The following RBMS3 variants were observed in gnomAD, a reference collection of about 807,000 sequenced individuals.
RBMS3 encodes the protein RNA binding motif single stranded interacting protein 3.
In RBMS3, 27 loss-of-function variants were observed where a neutral mutation model predicts 66.8. That is an observed-to-expected ratio of 0.40 (90% CI 0.30 to 0.56). The LOEUF (loss-of-function observed/expected upper bound fraction) is 0.56. Ranked by LOEUF, RBMS3 falls within the 20% of genes least tolerant of loss-of-function variation. The probability of loss-of-function intolerance (pLI) is 0.40; values close to 1 mark genes in which losing one functional copy is unlikely to be tolerated. For missense variants in RBMS3, 513 were observed against 549.5 expected (o/e 0.93, Z 0.66); for synonymous variants, 188 against 183.0 (o/e 1.03, Z -0.22).
intron 6 of RBMS3, among the ~76,000 whole-genome samples, chr3:29,793,230 C>CAAA (rs59309324): frequency 1.5e-4 from 18 of 117,126 alleles, no homozygotes; most frequent in African/African-American, 5.2e-4. Flanking sequence ...GACTCCATCT[C>CAAA]AAAAAAAAAA....
chr3:29,880,781 A>T (rs1341363617), intron 7 of RBMS3: 1 of 1,536,026 alleles, frequency 6.5e-7, no homozygotes, highest in Admixed American at 2.0e-5. Flanking sequence ...TGCCAAAGGT[A>T]CTCAGAGGCA....
intron 1 of RBMS3, among the ~76,000 whole-genome samples, chr3:29,316,578 G>A (rs1177799721): frequency 6.6e-6 from 1 of 151,612 alleles, no homozygotes; most frequent in Non-Finnish European, 1.5e-5. Flanking sequence ...TAACATGAAA[G>A]CAAGCTTAGT....
intron 3 of RBMS3, among the ~76,000 whole-genome samples, chr3:29,561,612 C>G (rs1211094458): frequency 3.3e-5 from 5 of 152,108 alleles, no homozygotes; most frequent in Admixed American, 2.0e-4. Flanking sequence ...GCCACCACAC[C>G]CAGCTAATTT....
intron 1 of RBMS3, among the ~76,000 whole-genome samples, chr3:29,429,381 T>G (rs1341328280): frequency 1.3e-5 from 2 of 152,216 alleles, no homozygotes. Context: ...ACTGATCCTC[T>G]GAGATAGCAT....
chr3:29,893,825 G>C (rs1426537904), intron 8 of RBMS3, among the ~76,000 whole-genome samples: 2 of 151,274 alleles, frequency 1.3e-5, no homozygotes, highest in Non-Finnish European at 3.0e-5. Flanking sequence ...ACCTCTTTCA[G>C]GGACCCTTCT....
chr3:29,519,289 C>T (rs1364353148), intron 3 of RBMS3, among the ~76,000 whole-genome samples: 1 of 151,954 alleles, frequency 6.6e-6, no homozygotes, highest in East Asian at 1.9e-4. Flanking sequence ...CTAAATAAGG[C>T]GAGGGCTGTG....
At chr3:29,705,356 A>G (rs2052835667) in intron 4 of RBMS3, among the ~76,000 whole-genome samples, 1 of 152,246 alleles carries the variant, frequency 6.6e-6, no homozygotes, top group African/African-American at 2.4e-5. Flanking sequence ...AATGAAGTTT[A>G]CTTTCTCCTC....
chr3:29,466,641 T>C (rs2042554343), intron 2 of RBMS3, among the ~76,000 whole-genome samples: 1 of 152,252 alleles, frequency 6.6e-6, no homozygotes, highest in African/African-American at 2.4e-5. Flanking sequence ...TACTGGCATG[T>C]TGGTTAATTC....
intron 1 of RBMS3, among the ~76,000 whole-genome samples, chr3:29,343,568 A>G (rs766538632): frequency 1.3e-5 from 2 of 152,158 alleles, no homozygotes; most frequent in Non-Finnish European, 2.9e-5. Flanking sequence ...TGTATGTAGT[A>G]TCAAATCACA....
chr3:29,721,936 G>A (rs1461624870), intron 4 of RBMS3, among the ~76,000 whole-genome samples: 2 of 152,110 alleles, frequency 1.3e-5, no homozygotes, highest in African/African-American at 4.8e-5. Flanking sequence ...GACCATGAGC[G>A]AGTGGTATGC....
intron 6 of RBMS3, among the ~76,000 whole-genome samples, chr3:29,835,802 G>T (rs72848031): frequency 5.3e-5 from 8 of 151,154 alleles, no homozygotes; most frequent in Non-Finnish European, 4.4e-5. Context: ...TTGAGAAGAG[G>T]AAACCAATAG....
At chr3:29,583,160 C>T (rs1028615108) in intron 3 of RBMS3, among the ~76,000 whole-genome samples, 6 of 152,108 alleles carry the variant, frequency 3.9e-5, no homozygotes, top group Admixed American at 1.3e-4. Flanking sequence ...ATTCAGAGAA[C>T]TCTCAGGGTG....
At chr3:29,327,025 C>T (rs187645777) in intron 1 of RBMS3, among the ~76,000 whole-genome samples, 3 of 152,148 alleles carry the variant, frequency 2.0e-5, no homozygotes, top group Non-Finnish European at 2.9e-5. Flanking sequence ...CCACCACACC[C>T]GGCCTAGAAT....
chr3:29,445,338 C>G (rs1480405317), intron 2 of RBMS3, among the ~76,000 whole-genome samples: 3 of 105,156 alleles, frequency 2.9e-5, no homozygotes, highest in African/African-American at 1.1e-4. Context: ...GAAGGGAAGC[C>G]TCAGGATAAC....
chr3:29,605,346 G>A (rs1429476229), intron 4 of RBMS3, among the ~76,000 whole-genome samples: 1 of 151,888 alleles, frequency 6.6e-6, no homozygotes, highest in East Asian at 1.9e-4. Flanking sequence ...AATTCCTCAT[G>A]AAATGTTGTA....
At position 29,549,789 on chromosome 3, in the gene RBMS3, G is replaced by GA. The variant is rs111718809; in HGVS notation, c.308-37315dup. On this transcript the variant is annotated intron_variant, in intron 3 of 14. Transcript: ENST00000383767. ...GCTGGCAGCTATGCTAGTGCACAGA[G>GA]AAAAAAAAAATCTAATATATGGTTC... 6.9e-3 allele frequency among the ~76,000 whole-genome samples: 1,040 copies of GA among 149,944 alleles called. 27 individuals carry two copies. Among genetic ancestry groups the GA allele is most frequent in the Admixed American group, 0.055 (835 of 15,058 alleles).
In RBMS3 at chr3:29,580,382, T is replaced by A. The variant is rs573176880; in HGVS notation, c.308-6732T>A. ...TACATATATACATAAATTTAGAATATGGATAATTTTACCATCATGGCACTT... is the reference window on the plus strand; with the variant it reads ...TACATATATACATAAATTTAGAATAAGGATAATTTTACCATCATGGCACTT... On this transcript the variant is annotated intron_variant, in intron 3 of 14. Transcript: ENST00000383767. 1.2e-4 allele frequency among the ~76,000 whole-genome samples: 19 copies of A among 152,274 alleles called. No individual in the cohort carries two copies. In the South Asian group the frequency reaches 2.9e-3, roughly 23 times the overall value.
intron 1 of RBMS3, among the ~76,000 whole-genome samples, chr3:29,397,322 T>C (rs2039598603): frequency 6.6e-6 from 1 of 152,222 alleles, no homozygotes; most frequent in Admixed American, 6.5e-5. Context: ...ATGTTTCCTG[T>C]AGTCTATGAT....
At chr3:29,708,828 C>T (rs1356402499) in intron 4 of RBMS3, among the ~76,000 whole-genome samples, 1 of 152,190 alleles carries the variant, frequency 6.6e-6, no homozygotes, top group African/African-American at 2.4e-5. Flanking sequence ...CACATCCCTT[C>T]AGTGAAGAAC....
Sources: gnomAD v4.1 joint callset for allele counts (sites outside exome capture counted in the v4.1 genomes callset) on GRCh38, gnomAD v4.1.1 for gene constraint, MANE v1.5 for transcripts, NCBI Gene and HGNC (gene_info 2026-07-23, HGNC 2026-07-21) for gene names.